ZBTB17: variants seen among roughly 807,000 people sequenced by gnomAD.
The protein encoded by ZBTB17 is zinc finger and BTB domain-containing protein 17.
ZBTB17 carries 24 observed loss-of-function variants against 85.1 expected under a neutral mutation model. That is an observed-to-expected ratio of 0.28 (90% CI 0.20 to 0.40). The LOEUF (loss-of-function observed/expected upper bound fraction) is 0.40, where lower values mean the gene tolerates loss of function less well. Among genes scored for constraint, ZBTB17 ranks in the 10% least tolerant of loss-of-function variants. The pLI, the probability that ZBTB17 is intolerant of heterozygous loss-of-function variation, is 1.00. For missense variants in ZBTB17, 743 were observed against 1,105.1 expected (o/e 0.67, Z 4.65); for synonymous variants, 464 against 460.2 (o/e 1.01, Z -0.11).
At position 15,942,263 on chromosome 1, in the gene ZBTB17, G is replaced by A. The variant is rs1222547931; in HGVS notation, c.2129-11C>T. 2 of 1,612,984 alleles carry A rather than the reference G, an allele frequency of 1.2e-6. No homozygotes were observed. The highest frequency in any genetic ancestry group is 1.3e-5 in the African/African-American group (1 of 74,932). On this transcript the variant is annotated splice_polypyrimidine_tract_variant and intron_variant, in intron 15 of 15. Coordinates refer to ENST00000375743, the MANE Select transcript of ZBTB17 (RefSeq NM_003443.3). ...TGTGAGTGTTGGGGTCTGTGGAGGT[G>A]GGGCAGCAGTCAGAGTGGGAAGGAC...
intron 2 of ZBTB17, among the ~76,000 whole-genome samples, chr1:15,971,381 CTA>C (rs139943728): frequency 2.3e-4 from 31 of 132,454 alleles, no homozygotes; most frequent in South Asian, 1.4e-3. Flanking sequence ...TATACACACA[CTA>C]TATATATATA....
Position 15,964,124 on chromosome 1 carries a change from G to GAAAA in ZBTB17, c.-3+8911_-3+8914dup, listed in dbSNP as rs34511728. Among the ~76,000 whole-genome samples, 2 of 133,960 alleles carry GAAAA rather than the reference G, an allele frequency of 1.5e-5. No homozygotes were observed. The highest frequency in any genetic ancestry group is 1.6e-5 in the Non-Finnish European group (1 of 62,916). The allele number at this position is 133,960 out of a possible 152,430, so 87.9% of individuals were successfully genotyped here. ...AACAGCGAGACCCTGTCTCTAGAGA[G>GAAAA]AAAAAAAAAAAAAGGTTTAAAAAGA... On this transcript the variant is annotated intron_variant, in intron 2 of 15. Transcript: ENST00000375743. This position sits in a 1 kb window ranked among gnomAD's most constrained non-coding sequence, Gnocchi z 4.3.
At chr1:15,942,768 G>C in intron 13 of ZBTB17, 30 bp from the exon 14 acceptor site, 1 of 1,610,080 alleles carries the variant, frequency 6.2e-7, no homozygotes. Flanking sequence ...TCTTGCCTTT[G>C]TGGGAAGGGG....
At chr1:15,972,701 G>A (rs989215006) in intron 2 of ZBTB17, among the ~76,000 whole-genome samples, 5 of 152,178 alleles carry the variant, frequency 3.3e-5, no homozygotes, top group African/African-American at 7.2e-5. Context: ...GCTCCCAGAT[G>A]ATCTCACAGA....
Position 15,941,967 on chromosome 1 carries a change from G to C in ZBTB17, c.*2C>G. The C allele has an allele frequency of 6.3e-7, 1 of 1,591,234 alleles. No homozygotes were observed. Among genetic ancestry groups the C allele is most frequent in the Non-Finnish European group, 8.5e-7 (1 of 1,172,164 alleles). On this transcript the variant is annotated 3_prime_UTR_variant, in exon 16 of 16. Coordinates refer to ENST00000375743, the MANE Select transcript of ZBTB17 (RefSeq NM_003443.3). ...AAATAAACAGTCAGAAGGGCCGCCA[G>C]CTCACTCGGCAGGCGGGGGACATTC...
At chr1:15,946,896 C>A in intron 4 of ZBTB17, 39 bp downstream of exon 4, 1 of 1,582,520 alleles carries the variant, frequency 6.3e-7, no homozygotes, top group South Asian at 1.1e-5. Context: ...AAGCCAAGGT[C>A]TCTGGCCATC....
chr1:15,945,719 C>A lies in ZBTB17; in HGVS notation c.657G>T (p.Glu219Asp), dbSNP rs767622450. Reference sequence around the variant, plus strand: ...GTCCTGGCTGGGCGGGGCTACCTTGCTCCGAGCTCTCGGACAAAGCGGCCT... The same window carrying A: ...GTCCTGGCTGGGCGGGGCTACCTTGATCCGAGCTCTCGGACAAAGCGGCCT... ...EAEAALSESS[E>D]QEMEVEPARK... is the part of the protein sequence containing the mutation. The change falls in exon 6 of 16, where the codon GAG (glutamate) becomes GAT (aspartate). Residue 219 changes from glutamate to aspartate, a missense_variant. Transcript: ENST00000375743. The A allele has an allele frequency of 1.9e-5, 31 of 1,606,990 alleles. No individual in the cohort carries two copies. Among genetic ancestry groups the A allele is most frequent in the Non-Finnish European group, 2.5e-5 (29 of 1,179,826 alleles).
At chr1:15,943,934 G>C (rs955824986) in intron 9 of ZBTB17, 39 bp from the exon 10 acceptor site, 1 of 1,548,716 alleles carries the variant, frequency 6.5e-7, no homozygotes, top group South Asian at 1.2e-5. Flanking sequence ...ACCCCACAGA[G>C]CTCGGCCCCG....
rs527398170 is a variant in ZBTB17, at chr1:15,951,037, AC to A, written c.-2-2541del. Among the ~76,000 whole-genome samples the A allele has an allele frequency of 5.1e-4, 78 of 152,240 alleles. 1 individual carries two copies. The highest frequency in any genetic ancestry group is 1.7e-3 in the African/African-American group (71 of 41,554). ...AGGGTGGGTGGTGGCCCAGCCCCCC[AC>A]ATACCACCACCCGCCAAGAGAGCAG... is the stretch of plus-strand genomic sequence containing the variant. On this transcript the variant is annotated intron_variant, in intron 2 of 15. Transcript: ENST00000375743. The surrounding 1 kb of genome is among the most constrained non-coding windows in gnomAD (Gnocchi z 4.1).
rs975523614 is a variant in ZBTB17, at chr1:15,951,381, G to A, written c.-2-2884C>T. Among the ~76,000 whole-genome samples, 3 of 152,152 alleles carry A rather than the reference G, an allele frequency of 2.0e-5. No homozygotes were observed. Among genetic ancestry groups the A allele is most frequent in the Non-Finnish European group, 4.4e-5 (3 of 68,016 alleles). ...GAGAGATCAGCAGCAGCTGAAATGCGCTTACCAGTACAATCTGGGACTGGC... is the reference window on the plus strand; with the variant it reads ...GAGAGATCAGCAGCAGCTGAAATGCACTTACCAGTACAATCTGGGACTGGC... On this transcript the variant is annotated intron_variant, in intron 2 of 15. Transcript: ENST00000375743. This position sits in a 1 kb window ranked among gnomAD's most constrained non-coding sequence, Gnocchi z 4.1.
At chr1:15,942,290 C>T (rs773491730) in intron 15 of ZBTB17, 38 bp from the exon 16 acceptor site, 4 of 1,613,764 alleles carry the variant, frequency 2.5e-6, no homozygotes. Flanking sequence ...GGGAAGGACC[C>T]CGGGCTCTGC....
chr1:15,969,616 G>T, intron 2 of ZBTB17: 1 of 423,616 alleles, frequency 2.4e-6, no homozygotes, highest in South Asian at 1.7e-5. Context: ...GGTGGGGGGA[G>T]CAGGGCAGGG....
rs922189202 is a variant in ZBTB17 at position 15,951,431 on chromosome 1, G to A, written c.-2-2934C>T. Among the ~76,000 whole-genome samples the A allele has an allele frequency of 2.6e-5, 4 of 152,140 alleles. No homozygotes were observed. The highest frequency in any genetic ancestry group is 2.9e-5 in the Non-Finnish European group (2 of 68,024). On this transcript the variant is annotated intron_variant, in intron 2 of 15. Transcript: ENST00000375743. This position sits in a 1 kb window ranked among gnomAD's most constrained non-coding sequence, Gnocchi z 4.1. ...CCTCCCAGGGGTGCAAGAGCAGCTCGAGGGGGCCAGGAGGGGGCGGACTAA... is the reference window on the plus strand; with the variant it reads ...CCTCCCAGGGGTGCAAGAGCAGCTCAAGGGGGCCAGGAGGGGGCGGACTAA...
chr1:15,962,234 GA>G (rs35796081), intron 2 of ZBTB17, among the ~76,000 whole-genome samples: 16,076 of 152,094 alleles, frequency 0.11, 1,219 homozygotes, highest in Admixed American at 0.23. Context: ...AAAATAAAAT[GA>G]AATAAAAATT....
rs770306848 is a variant in ZBTB17 at position 15,966,181 on chromosome 1, G to A, written c.-3+6858C>T. ...ATCCCTGAGGGGCCCACATGGCCCC[G>A]AGACTACAGAAATGAGAAGTGCTTT... On this transcript the variant is annotated intron_variant, in intron 2 of 15. Transcript: ENST00000375743. The surrounding 1 kb of genome is among the most constrained non-coding windows in gnomAD (Gnocchi z 4.1). 2.3e-4 allele frequency among the ~76,000 whole-genome samples: 35 copies of A among 152,194 alleles called. No homozygotes were observed. The highest frequency in any genetic ancestry group is 4.4e-4 in the Non-Finnish European group (30 of 68,024).
chr1:15,945,627 G>A, intron 6 of ZBTB17, 88 bp downstream of exon 6: 2 of 1,557,002 alleles, frequency 1.3e-6, no homozygotes, highest in East Asian at 2.3e-5. Context: ...GCTGGAGGCA[G>A]GAGGAGAGGG....
At chr1:15,975,727 G>A (rs759405187) in intron 1 of ZBTB17, among the ~76,000 whole-genome samples, 1 of 152,120 alleles carries the variant, frequency 6.6e-6, no homozygotes, top group Non-Finnish European at 1.5e-5. Flanking sequence ...ATCCAGCCCG[G>A]GAGGTGACAC....
At position 15,945,163 on chromosome 1, in the gene ZBTB17, T is replaced by C; in HGVS notation, c.701A>G (p.Gln234Arg). ...VEPARKGEEE[Q>R]KEQEEQEEEG... ...CTCCTCTTGCTCCTCTTGCTCCTTTTGCTCCTCTTCCCCTTTCCGGGCGGG... is the reference window on the plus strand; with the variant it reads ...CTCCTCTTGCTCCTCTTGCTCCTTTCGCTCCTCTTCCCCTTTCCGGGCGGG... The change falls in exon 7 of 16, where the codon CAA becomes CGA. Residue 234 changes from glutamine (Q) to arginine (R), a missense_variant. Physicochemically the swap from Gln to Arg is conservative, Grantham distance 43 (BLOSUM62 1). Around this residue, in one of 4 missense-constraint regions of ZBTB17, gnomAD observed 279 missense variants for 269.9 expected, o/e 1.03. Coordinates refer to ENST00000375743, the MANE Select transcript of ZBTB17 (RefSeq NM_003443.3). The C allele has an allele frequency of 1.3e-6, 2 of 1,574,460 alleles. No individual in the cohort carries two copies. Among genetic ancestry groups the C allele is most frequent in the Non-Finnish European group, 1.7e-6 (2 of 1,159,370 alleles).
intron 12 of ZBTB17, 24 bp from the exon 13 acceptor site, chr1:15,943,218 C>G: frequency 6.2e-7 from 1 of 1,614,058 alleles, no homozygotes. Context: ...GGAAGGGACT[C>G]GCATGGAACT....
Sources: gnomAD v4.1 joint callset for allele counts (sites outside exome capture counted in the v4.1 genomes callset) on GRCh38, gnomAD v4.1.1 for gene constraint, gnomAD v4.1.1 regional missense constraint, Gnocchi (gnomAD v3.1) non-coding constraint, MANE v1.5 for transcripts, NCBI Gene and HGNC (gene_info 2026-07-23, HGNC 2026-07-21) for gene names.